Variants in B3GALNT1 observed in about 807,000 individuals in gnomAD.
The protein encoded by B3GALNT1 is UDP-GalNAc:beta-1,3-N-acetylgalactosaminyltransferase 1.
Under a neutral mutation model 27.3 loss-of-function variants are expected in B3GALNT1, and 17 were observed. The ratio of observed to expected loss-of-function variants is 0.62; its 90% CI spans 0.43 to 0.94. The LOEUF (loss-of-function observed/expected upper bound fraction) is 0.94. Ranked by LOEUF, B3GALNT1 falls within the 40% of genes least tolerant of loss-of-function variation. B3GALNT1 has a pLI of 0.00. For synonymous variants in B3GALNT1, 141 were observed against 144.0 expected, an observed-to-expected ratio of 0.98 and a Z score of 0.15; for missense variants, 347 against 390.0, an observed-to-expected ratio of 0.89 and a Z score of 0.93.
At chr3:161,094,914 C>G (rs549269605) in intron 4 of B3GALNT1, among the ~76,000 whole-genome samples, 15 of 152,312 alleles carry the variant, frequency 9.8e-5, no homozygotes, top group African/African-American at 3.1e-4. Context: ...GCCCCTCTTT[C>G]ATCTGCTACA....
intron 2 of B3GALNT1, among the ~76,000 whole-genome samples, chr3:161,103,726 T>A (rs1284425929): frequency 6.6e-6 from 1 of 152,168 alleles, no homozygotes; most frequent in African/African-American, 2.4e-5. Context: ...ACACTGTTTT[T>A]TTGTTTTTTG....
chr3:161,085,852 T>A lies in B3GALNT1; in HGVS notation c.903A>T (p.Gln301His). The part of the protein sequence containing the change: ...FLYRIHLDVC[Q>H]LRRVIAAHGF... ...CATGGGCTGCAATCACACGTCTCAGTTGACAGACATCCAAATGGATTCTAT... is the reference window on the plus strand; with the variant it reads ...CATGGGCTGCAATCACACGTCTCAGATGACAGACATCCAAATGGATTCTAT... Residue 301 changes from glutamine (Q) to histidine (H), a missense_variant, in exon 5 of 5, where the codon CAA becomes CAT. Physicochemically the swap from Gln to His is conservative, Grantham distance 24. Coordinates refer to ENST00000320474, the MANE Select transcript of B3GALNT1 (RefSeq NM_003781.4). 1 of 1,614,162 alleles carries A rather than the reference T, an allele frequency of 6.2e-7. No individual in the cohort carries two copies. Among genetic ancestry groups the A allele is most frequent in the Non-Finnish European group, 8.5e-7 (1 of 1,180,024 alleles).
intron 4 of B3GALNT1, among the ~76,000 whole-genome samples, chr3:161,093,315 T>C (rs888749362): frequency 6.6e-6 from 1 of 152,184 alleles, no homozygotes; most frequent in Non-Finnish European, 1.5e-5. Context: ...CACTTATCAA[T>C]CAATAAAAAT....
chr3:161,103,259 A>G (rs1732377428), intron 3 of B3GALNT1, 168 bp downstream of exon 3: 1 of 249,414 alleles, frequency 4.0e-6, no homozygotes, highest in Non-Finnish European at 8.1e-6. Context: ...ATGGCTTAGT[A>G]GAGCTTCACT....
chr3:161,093,047 G>A (rs971872402), intron 4 of B3GALNT1, among the ~76,000 whole-genome samples: 1 of 151,904 alleles, frequency 6.6e-6, no homozygotes, highest in African/African-American at 2.4e-5. Flanking sequence ...GTGAGCCACC[G>A]CACCAGGCCA....
intron 4 of B3GALNT1, among the ~76,000 whole-genome samples, chr3:161,090,726 C>G (rs997836402): frequency 6.6e-6 from 1 of 151,826 alleles, no homozygotes; most frequent in Non-Finnish European, 1.5e-5. Flanking sequence ...TGTTTAGAAG[C>G]TCAAAATCCT....
In B3GALNT1 at chr3:161,086,227, T is replaced by C. The variant is rs781284445; in HGVS notation, c.528A>G (p.Val176=). 18 of 1,613,996 alleles carry C rather than the reference T, an allele frequency of 1.1e-5. No homozygotes were observed. The highest frequency in any genetic ancestry group is 1.4e-5 in the Non-Finnish European group (16 of 1,180,016). Reference sequence around the variant, plus strand: ...TGAAAACATCAGTGTCTGTCTTCATTACGTACTTGGCATTGGGGCAAAACT... The same window carrying C: ...TGAAAACATCAGTGTCTGTCTTCATCACGTACTTGGCATTGGGGCAAAACT... ...VTEFCPNAKY[V]MKTDTDVFIN... is the part of the protein sequence containing the mutation. The change falls in exon 5 of 5, where the codon GTA becomes GTG. Residue 176 remains valine, a synonymous_variant. Transcript: ENST00000320474.
chr3:161,090,590 A>G (rs868374858), intron 4 of B3GALNT1, among the ~76,000 whole-genome samples: 1 of 152,164 alleles, frequency 6.6e-6, no homozygotes, highest in South Asian at 2.1e-4. Flanking sequence ...TAAAAAATTT[A>G]AAAACCATAA....
intron 4 of B3GALNT1, among the ~76,000 whole-genome samples, chr3:161,098,148 C>T (rs995223948): frequency 3.9e-5 from 6 of 152,056 alleles, no homozygotes; most frequent in African/African-American, 7.2e-5. Flanking sequence ...TGATGACTGC[C>T]GCAATCTTAT....
At chr3:161,104,564 C>T in intron 1 of B3GALNT1, 158 bp from the exon 2 acceptor site, 1 of 358,092 alleles carries the variant, frequency 2.8e-6, no homozygotes, top group East Asian at 7.7e-5. Flanking sequence ...TCCGTTGCAC[C>T]TCTAGGAATC....
intron 3 of B3GALNT1, among the ~76,000 whole-genome samples, chr3:161,102,856 C>T (rs769330145): frequency 6.6e-6 from 1 of 152,048 alleles, no homozygotes; most frequent in Non-Finnish European, 1.5e-5. Context: ...CCTGCATCAT[C>T]CAATGGTGGA....
At chr3:161,101,300 T>G (rs1731121910) in intron 3 of B3GALNT1, 67 bp from the exon 4 acceptor site, 5 of 992,658 alleles carry the variant, frequency 5.0e-6, no homozygotes, top group Non-Finnish European at 7.0e-6. Flanking sequence ...AGCTGGGCTT[T>G]CTGTGTCTGT....
chr3:161,104,275 A>G (rs1414226310), intron 2 of B3GALNT1, 44 bp downstream of exon 2: 2 of 1,280,402 alleles, frequency 1.6e-6, no homozygotes, highest in Non-Finnish European at 2.0e-6. Flanking sequence ...AGAAGCTAAA[A>G]AACTTGTTCC....
In B3GALNT1 at chr3:161,086,590, A is replaced by G. The variant is rs1722098613; in HGVS notation, c.165T>C (p.Tyr55=). The G allele has an allele frequency of 6.2e-7, 1 of 1,614,090 alleles. No homozygotes were observed. The highest frequency in any genetic ancestry group is 1.7e-5 in the Admixed American group (1 of 60,010). The change falls in exon 5 of 5, where the codon TAT becomes TAC. Residue 55 remains tyrosine, a synonymous_variant. Coordinates refer to ENST00000320474, the MANE Select transcript of B3GALNT1 (RefSeq NM_003781.4). The part of the protein sequence containing the change: ...ERVNWMYFYE[Y]EPIYRQDFHF... Reference sequence around the variant, plus strand: ...GAAAGTCTTGTCTGTAAATCGGCTCATACTCATAGAAGTACATCCAGTTCA... The same window carrying G: ...GAAAGTCTTGTCTGTAAATCGGCTCGTACTCATAGAAGTACATCCAGTTCA...
chr3:161,095,463 C>A (rs1484753771), intron 4 of B3GALNT1, among the ~76,000 whole-genome samples: 1 of 152,218 alleles, frequency 6.6e-6, no homozygotes, highest in Non-Finnish European at 1.5e-5. Context: ...TGTTAGATAA[C>A]CTGTCTTTGT....
rs528344631 is a variant in B3GALNT1 at position 161,084,510 on chromosome 3, A to G, written c.*1249T>C. ...AACCACTTGCCCTATATAAACTCTAAAAAGAAAACTGCATAAACCCAGGAA... is the reference window on the plus strand; with the variant it reads ...AACCACTTGCCCTATATAAACTCTAGAAAGAAAACTGCATAAACCCAGGAA... On this transcript the variant is annotated 3_prime_UTR_variant, in exon 5 of 5. Coordinates refer to ENST00000320474, the MANE Select transcript of B3GALNT1 (RefSeq NM_003781.4). The G allele has an allele frequency of 1.3e-5, 2 of 152,314 alleles. No homozygotes were observed. The highest frequency in any genetic ancestry group is 1.3e-4 in the Admixed American group (2 of 15,300). 9.4% of individuals were successfully genotyped at this position (152,314 alleles called of 1,614,324 possible). A position where few individuals can be genotyped will look rare whatever the true frequency, so the allele number is the denominator to read the frequency against.
Position 161,085,529 on chromosome 3 carries a change from AG to A in B3GALNT1, c.*229del. The stretch of plus-strand genomic sequence containing the variant: ...ATTGTTTGGTCCTATTAATTTCTTT[AG>A]CAAAAACCTCCAATTCCTTTATATT... On this transcript the variant is annotated 3_prime_UTR_variant, in exon 5 of 5. Transcript: ENST00000320474. 3.7e-6 allele frequency: 2 copies of A among 540,020 alleles called. No individual in the cohort carries two copies. Among genetic ancestry groups the A allele is most frequent in the Non-Finnish European group, 6.6e-6 (2 of 304,898 alleles). 33.5% of individuals were successfully genotyped at this position (540,020 alleles called of 1,614,324 possible). A position where few individuals can be genotyped will look rare whatever the true frequency, so the allele number is the denominator to read the frequency against.
At chr3:161,091,410 C>T (rs1006691318) in intron 4 of B3GALNT1, among the ~76,000 whole-genome samples, 16 of 152,116 alleles carry the variant, frequency 1.1e-4, no homozygotes, top group African/African-American at 3.9e-4. Context: ...GTGAAAAATT[C>T]CAGAAATAAA....
intron 4 of B3GALNT1, among the ~76,000 whole-genome samples, chr3:161,095,966 A>C (rs1727940108): frequency 6.6e-6 from 1 of 152,194 alleles, no homozygotes; most frequent in South Asian, 2.1e-4. Context: ...CTGGGACTTA[A>C]ACCTAACACC....
Sources: gnomAD v4.1 joint callset for allele counts (sites outside exome capture counted in the v4.1 genomes callset) on GRCh38, gnomAD v4.1.1 for gene constraint, MANE v1.5 for transcripts, NCBI Gene and HGNC (gene_info 2026-07-23, HGNC 2026-07-21) for gene names.